The following ZNF10 variants were observed in gnomAD, a reference collection of about 807,000 sequenced individuals.
ZNF10 encodes zinc finger protein 10.
A neutral mutation model predicts 12.2 loss-of-function variants in ZNF10; 8 were observed. The observed-to-expected ratio is 0.66, with a 90% CI of 0.39 to 1.18. The LOEUF is 1.18. Among genes scored for constraint, ZNF10 ranks in the 50% most tolerant of loss-of-function variants. The pLI, the probability that ZNF10 is intolerant of heterozygous loss-of-function variation, is 0.01. For synonymous variants in ZNF10, 229 were observed against 228.2 expected, an observed-to-expected ratio of 1.00 and a Z score of -0.03; for missense variants, 603 against 678.9, an observed-to-expected ratio of 0.89 and a Z score of 1.24.
At chr12:133,133,687 G>A (rs1955893734) in intron 1 of ZNF10, among the ~76,000 whole-genome samples, 2 of 152,168 alleles carry the variant, frequency 1.3e-5, no homozygotes, top group African/African-American at 4.8e-5. Flanking sequence ...GAGTTAAGTT[G>A]AAAAGGGTCC....
At chr12:133,155,284 G>C (rs1412384072) in intron 4 of ZNF10, among the ~76,000 whole-genome samples, 5 of 152,066 alleles carry the variant, frequency 3.3e-5, no homozygotes, top group African/African-American at 1.2e-4. Flanking sequence ...GCTGTGTCCT[G>C]TGGCTTCTCC....
At chr12:133,149,483 G>A (rs755433861) in intron 2 of ZNF10, among the ~76,000 whole-genome samples, 1 of 144,518 alleles carries the variant, frequency 6.9e-6, no homozygotes. Context: ...TTAGCCTCCC[G>A]AGTAGCTGGG....
chr12:133,145,156 G>A (rs1955968203), intron 2 of ZNF10, among the ~76,000 whole-genome samples: 1 of 152,182 alleles, frequency 6.6e-6, no homozygotes, highest in South Asian at 2.1e-4. Flanking sequence ...TGCATTACAG[G>A]TGTGAGCTAC....
rs139293992 is a variant in ZNF10 at position 133,156,025 on chromosome 12, A to T, written c.779A>T (p.His260Leu). Reference sequence around the variant, plus strand: ...TCTCTTGGTATATCAAAGGGCATACATAGAGAGAAACCCTATGAATGTAAG... The same window carrying T: ...TCTCTTGGTATATCAAAGGGCATACTTAGAGAGAAACCCTATGAATGTAAG... ...GSSLGISKGI[H>L]REKPYECKEC... Residue 260 changes from histidine to leucine, a missense_variant, in exon 5 of 5, where the codon CAT becomes CTT. His to Leu is a moderately conservative substitution (Grantham distance 99). This residue lies in a region of ZNF10 where 393 missense variants were observed against 399.7 expected (regional missense o/e 0.98). Coordinates refer to ENST00000248211, the MANE Select transcript of ZNF10 (RefSeq NM_015394.5). 12 of 1,613,692 alleles carry T rather than the reference A, an allele frequency of 7.4e-6. No homozygotes were observed. The African/African-American group carries it at 1.2e-4, about 16-fold the overall frequency.
chr12:133,150,847 A>G, intron 2 of ZNF10, 181 bp from the exon 3 acceptor site: 1 of 540,960 alleles, frequency 1.8e-6, no homozygotes, highest in Non-Finnish European at 2.9e-6. Flanking sequence ...GTAGGTACCT[A>G]ATAGCCATTC....
At chr12:133,141,414 C>T (rs1955943805) in intron 1 of ZNF10, among the ~76,000 whole-genome samples, 1 of 152,054 alleles carries the variant, frequency 6.6e-6, no homozygotes, top group Non-Finnish European at 1.5e-5. Flanking sequence ...CCAAACTTAA[C>T]ATAGATATTA....
rs767184207 is a variant in ZNF10, at chr12:133,156,270, A to T, written c.1024A>T (p.Thr342Ser). ...WFSHLVTHQR[T>S]HTGDKLYTCN... ...CTCTCACCTTGTTACTCATCAGAGAACTCATACAGGAGACAAACTGTACAC... is the reference window on the plus strand; with the variant it reads ...CTCTCACCTTGTTACTCATCAGAGATCTCATACAGGAGACAAACTGTACAC... The change falls in exon 5 of 5, where the codon ACT becomes TCT. Residue 342 changes from threonine (T) to serine (S), a missense_variant. Physicochemically the swap from Thr to Ser is moderately conservative, Grantham distance 58 (BLOSUM62 1). Around this residue, in one of 3 missense-constraint regions of ZNF10, gnomAD observed 393 missense variants for 399.7 expected, o/e 0.98. Transcript: ENST00000248211. 6.8e-6 allele frequency: 11 copies of T among 1,614,076 alleles called. No homozygotes were observed.
At chr12:133,134,096 C>T (rs914560458) in intron 1 of ZNF10, among the ~76,000 whole-genome samples, 14 of 145,066 alleles carry the variant, frequency 9.7e-5, no homozygotes, top group Admixed American at 3.5e-4. Context: ...GTCAGGAGTT[C>T]GAGACCAGCC....
At chr12:133,147,888 C>G (rs182582484) in intron 2 of ZNF10, among the ~76,000 whole-genome samples, 60 of 151,938 alleles carry the variant, frequency 3.9e-4, no homozygotes, top group African/African-American at 1.4e-3. Context: ...TTCCCGAGGC[C>G]TGCCTTGGCC....
chr12:133,153,988 C>G (rs1956023983), intron 4 of ZNF10, among the ~76,000 whole-genome samples: 1 of 152,098 alleles, frequency 6.6e-6, no homozygotes, highest in Non-Finnish European at 1.5e-5. Flanking sequence ...CACCCTCATA[C>G]TGGATTAGGG....
In ZNF10 at chr12:133,131,399, C is replaced by T. The variant is rs182409116; in HGVS notation, c.-60+645C>T. Among the ~76,000 whole-genome samples the T allele has an allele frequency of 3.3e-5, 5 of 151,652 alleles. No homozygotes were observed. In the East Asian group the frequency reaches 9.7e-4, roughly 29 times the overall value. On this transcript the variant is annotated intron_variant, in intron 1 of 4. Transcript: ENST00000248211. ...ATAAGGTTAACATCAAGATTTCGTA[C>T]GTAGATCCCACCCAAAGTGTATGCA...
chr12:133,133,563 G>C (rs1205522201), intron 1 of ZNF10, among the ~76,000 whole-genome samples: 1 of 152,216 alleles, frequency 6.6e-6, no homozygotes, highest in Non-Finnish European at 1.5e-5. Flanking sequence ...CATGGGCAGA[G>C]TCCTTCATGT....
At chr12:133,143,822 G>A (rs1955959986) in intron 1 of ZNF10, 1 of 151,390 alleles carries the variant, frequency 6.6e-6, no homozygotes, top group Admixed American at 6.6e-5. Flanking sequence ...CTGAAATCAG[G>A]GTGTCACCTG....
In ZNF10 at chr12:133,139,434, G is replaced by A. The variant is rs957982956; in HGVS notation, c.-59-5000G>A. Among the ~76,000 whole-genome samples, 4 of 152,196 alleles carry A rather than the reference G, an allele frequency of 2.6e-5. 1 individual carries two copies. Among genetic ancestry groups the A allele is most frequent in the Non-Finnish European group, 4.4e-5 (3 of 68,024 alleles). On this transcript the variant is annotated intron_variant, in intron 1 of 4. Transcript: ENST00000248211. ...TTTGATAAAACATTTAGGGCATAGG[G>A]AGGTAGAAAAGCCACAATCACAGAG...
rs1204948734 is a variant in ZNF10, at chr12:133,156,491, C to T, written c.1245C>T (p.Ser415=). The part of the protein sequence containing the change: ...YECNECGKSY[S]QRSHLVVHHR... ...GCAATGAATGTGGAAAGTCTTACAG[C>T]CAGAGATCTCACCTTGTTGTGCATC... is the stretch of plus-strand genomic sequence containing the variant. Residue 415 remains serine (S), a synonymous_variant, in exon 5 of 5, where the codon AGC becomes AGT. Transcript: ENST00000248211. The T allele has an allele frequency of 1.9e-6, 3 of 1,613,950 alleles. No individual in the cohort carries two copies. In the Admixed American group the frequency reaches 5.0e-5, roughly 27 times the overall value.
At chr12:133,134,144 C>CA (rs35470467) in intron 1 of ZNF10, among the ~76,000 whole-genome samples, 3,938 of 68,038 alleles carry the variant, frequency 0.058, 166 homozygotes, top group African/African-American at 0.12. Flanking sequence ...ACTAAAAATA[C>CA]AAAAAAAAAA....
At chr12:133,149,260 A>G (rs1367880667) in intron 2 of ZNF10, among the ~76,000 whole-genome samples, 1 of 150,520 alleles carries the variant, frequency 6.6e-6, no homozygotes, top group Non-Finnish European at 1.5e-5. Flanking sequence ...CATCTGGCTA[A>G]TTTTTAAATT....
chr12:133,130,899 C>G (rs1319306392), intron 1 of ZNF10, 145 bp downstream of exon 1: 1 of 152,236 alleles, frequency 6.6e-6, no homozygotes, highest in Non-Finnish European at 1.5e-5. Context: ...ATCGTCACCC[C>G]TTGCCTCAGT....
chr12:133,145,957 T>C (rs2135461470), intron 2 of ZNF10, among the ~76,000 whole-genome samples: 1 of 152,326 alleles, frequency 6.6e-6, no homozygotes, highest in Non-Finnish European at 1.5e-5. Flanking sequence ...TTTGTCTCTG[T>C]GTTCACAGTA....
Sources: allele counts gnomAD v4.1 joint callset (sites outside exome capture counted in the v4.1 genomes callset), GRCh38; gene constraint gnomAD v4.1.1; regional missense constraint gnomAD v4.1.1; transcripts MANE v1.5; gene names NCBI Gene and HGNC (gene_info 2026-07-23, HGNC 2026-07-21).